KIRREL3: variants seen among roughly 807,000 people sequenced by gnomAD.
KIRREL3 encodes kirre like nephrin family adhesion molecule 3, also known as kin of IRRE-like protein 3.
KIRREL3 carries 36 observed loss-of-function variants against 89.7 expected under a neutral mutation model. The ratio of observed to expected loss-of-function variants is 0.40; its 90% CI spans 0.31 to 0.53. The LOEUF is 0.53. KIRREL3 is among the 20% of genes least tolerant of loss of function. KIRREL3 has a pLI of 0.49. For synonymous variants in KIRREL3, 445 were observed against 441.4 expected, an observed-to-expected ratio of 1.01 and a Z score of -0.10; for missense variants, 864 against 1,056.6, an observed-to-expected ratio of 0.82 and a Z score of 2.53.
At chr11:126,465,926 C>G (rs549975520) in intron 5 of KIRREL3, among the ~76,000 whole-genome samples, 1 of 152,258 alleles carries the variant, frequency 6.6e-6, no homozygotes, top group African/African-American at 2.4e-5. Flanking sequence ...TCGGGTAGGG[C>G]GCGCAGGGGC....
upstream of KIRREL3, among the ~76,000 whole-genome samples, chr11:127,001,692 T>C (rs545820098): frequency 5.5e-4 from 83 of 152,190 alleles, no homozygotes; most frequent in Admixed American, 1.2e-3. Context: ...GATATCAACA[T>C]GAATTTATCT....
chr11:126,582,326 A>T (rs1035521300), intron 1 of KIRREL3, among the ~76,000 whole-genome samples: 3 of 152,202 alleles, frequency 2.0e-5, no homozygotes, highest in African/African-American at 7.2e-5. Context: ...GAGATTCACC[A>T]GTGGCAACAC....
At chr11:126,626,437 GGTCA>G (rs1394730062) in intron 1 of KIRREL3, among the ~76,000 whole-genome samples, 2 of 152,192 alleles carry the variant, frequency 1.3e-5, no homozygotes, top group Non-Finnish European at 2.9e-5. Context: ...CATGTGCATG[GGTCA>G]GTCAGAATGC....
rs925601877 is a variant in KIRREL3, at chr11:126,601,199, C to A, written c.56-38287G>T. ...CTAAGGGAGAGAATTTATGTCTCTT[C>A]ATGCTCTTGTTGACAATAATAACTG... On this transcript the variant is annotated intron_variant, in intron 1 of 16. Coordinates refer to ENST00000525144, the MANE Select transcript of KIRREL3 (RefSeq NM_032531.4). This position sits in a 1 kb window ranked among gnomAD's most constrained non-coding sequence, Gnocchi z 5.8. Among the ~76,000 whole-genome samples the A allele has an allele frequency of 6.6e-6, 1 of 152,194 alleles. No homozygotes were observed. Among genetic ancestry groups the A allele is most frequent in the Admixed American group, 6.5e-5 (1 of 15,282 alleles).
At chr11:126,718,504 C>A (rs1413587842) in intron 1 of KIRREL3, among the ~76,000 whole-genome samples, 9 of 152,216 alleles carry the variant, frequency 5.9e-5, no homozygotes, top group Admixed American at 5.2e-4. Flanking sequence ...TTTGGCCCTG[C>A]TGGCCTTTAA....
intron 1 of KIRREL3, among the ~76,000 whole-genome samples, chr11:126,820,312 T>TAA (rs5795524): frequency 3.3e-5 from 5 of 149,436 alleles, no homozygotes; most frequent in South Asian, 2.1e-4. Flanking sequence ...AGCAAGCCTT[T>TAA]AAAAAAAAAG....
At chr11:126,787,783 G>C (rs539599527) in intron 1 of KIRREL3, among the ~76,000 whole-genome samples, 1 of 152,320 alleles carries the variant, frequency 6.6e-6, no homozygotes, top group Admixed American at 6.5e-5. Context: ...AGCAGATACA[G>C]GTTGCCTTAG....
chr11:126,822,444 G>T (rs947814288), intron 1 of KIRREL3, among the ~76,000 whole-genome samples: 6 of 152,016 alleles, frequency 3.9e-5, no homozygotes, highest in African/African-American at 1.4e-4. Context: ...ATTTCAAGGG[G>T]CCCTGCCCTT....
chr11:126,661,145 T>C (rs1945383315), intron 1 of KIRREL3, among the ~76,000 whole-genome samples: 1 of 152,220 alleles, frequency 6.6e-6, no homozygotes, highest in Non-Finnish European at 1.5e-5. Flanking sequence ...GTAACTGCCT[T>C]CTGGGTAACC....
chr11:126,856,646 C>T (rs192311191), intron 1 of KIRREL3, among the ~76,000 whole-genome samples: 2,938 of 148,084 alleles, frequency 0.02, 48 homozygotes, highest in Admixed American at 0.069. Flanking sequence ...GACCGAGTCT[C>T]GCTCTGTCGC....
In KIRREL3 at chr11:126,987,978, G is replaced by A. The variant is rs1386166117; in HGVS notation, c.55+12477C>T. On this transcript the variant is annotated intron_variant, in intron 1 of 16. Transcript: ENST00000525144. The surrounding 1 kb of genome is among the most constrained non-coding windows in gnomAD (Gnocchi z 4.6). ...ACTCAGGCTCTCCTACATTCTAAGA[G>A]TCTTTTTATTTCCCCCTAATAACCA... Among the ~76,000 whole-genome samples the A allele has an allele frequency of 1.3e-5, 2 of 152,116 alleles. No homozygotes were observed. Among genetic ancestry groups the A allele is most frequent in the Non-Finnish European group, 1.5e-5 (1 of 68,032 alleles).
rs183701916 is a variant in KIRREL3, at chr11:126,455,347, C to T, written c.848+1002G>A. On this transcript the variant is annotated intron_variant, in intron 7 of 16. Coordinates refer to ENST00000525144, the MANE Select transcript of KIRREL3 (RefSeq NM_032531.4). This position sits in a 1 kb window ranked among gnomAD's most constrained non-coding sequence, Gnocchi z 6.4. ...CAGGCAGAAAGGCGCCCAGAGGAAG[C>T]GTGTGTTTATTGGATCAGTCAGACA... 1.3e-5 allele frequency among the ~76,000 whole-genome samples: 2 copies of T among 152,290 alleles called. No individual in the cohort carries two copies. The highest frequency in any genetic ancestry group is 2.9e-5 in the Non-Finnish European group (2 of 68,022).
At position 126,995,137 on chromosome 11, in the gene KIRREL3, T is replaced by C. The variant is rs1242335193; in HGVS notation, c.55+5318A>G. 4.4e-6 allele frequency: 2 copies of C among 454,532 alleles called. No individual in the cohort carries two copies. Among genetic ancestry groups the C allele is most frequent in the South Asian group, 3.1e-5 (2 of 64,428 alleles). 28.2% of individuals were successfully genotyped at this position (454,532 alleles called of 1,614,324 possible). On this transcript the variant is annotated intron_variant, in intron 1 of 16. Coordinates refer to ENST00000525144, the MANE Select transcript of KIRREL3 (RefSeq NM_032531.4). The surrounding 1 kb of genome is among the most constrained non-coding windows in gnomAD (Gnocchi z 6.5). Reference sequence around the variant, plus strand: ...TGGCTGGCTTTGCTGCTCACTCCCTTACGAATAGCTGTGATGGGATATGAA... The same window carrying C: ...TGGCTGGCTTTGCTGCTCACTCCCTCACGAATAGCTGTGATGGGATATGAA...
chr11:126,530,625 T>C lies in KIRREL3; in HGVS notation c.134-3938A>G, dbSNP rs1160690946. ...TCCAGGAGCTCGCAGCTGTGCCCCC[T>C]CCCCATCACACCTGGGCGTCTCAGA... On this transcript the variant is annotated intron_variant, in intron 2 of 16. Transcript: ENST00000525144. The surrounding 1 kb of genome is among the most constrained non-coding windows in gnomAD (Gnocchi z 5.8). 6.6e-6 allele frequency among the ~76,000 whole-genome samples: 1 copy of C among 151,904 alleles called. No individual in the cohort carries two copies. Among genetic ancestry groups the C allele is most frequent in the Non-Finnish European group, 1.5e-5 (1 of 67,976 alleles).
intron 1 of KIRREL3, among the ~76,000 whole-genome samples, chr11:126,800,831 T>C (rs2000970): frequency 0.23 from 34,345 of 152,110 alleles, 4,517 homozygotes; most frequent in East Asian, 0.46. Context: ...AGGTATCACT[T>C]TTCAGCGGAT....
chr11:126,934,686 T>C (rs933997826), intron 1 of KIRREL3, among the ~76,000 whole-genome samples: 2 of 152,158 alleles, frequency 1.3e-5, no homozygotes, highest in African/African-American at 4.8e-5. Flanking sequence ...AAAAGTCATA[T>C]CTGACAAAGG....
intron 1 of KIRREL3, among the ~76,000 whole-genome samples, chr11:126,919,719 T>C (rs185474364): frequency 1.3e-5 from 2 of 152,308 alleles, no homozygotes; most frequent in Non-Finnish European, 2.9e-5. Context: ...CTTTCCCTGA[T>C]ATGTGCACAG....
Position 126,736,210 on chromosome 11 carries a change from C to A in KIRREL3, c.56-173298G>T, listed in dbSNP as rs1253856124. On this transcript the variant is annotated intron_variant, in intron 1 of 16. Transcript: ENST00000525144. This position sits in a 1 kb window ranked among gnomAD's most constrained non-coding sequence, Gnocchi z 5.0. ...GGTTTACTTTCAATTGTAGTCACAGCAATAATAGCACCATTTATGGGGCCA... is the reference window on the plus strand; with the variant it reads ...GGTTTACTTTCAATTGTAGTCACAGAAATAATAGCACCATTTATGGGGCCA... Among the ~76,000 whole-genome samples, 1 of 152,158 alleles carries A rather than the reference C, an allele frequency of 6.6e-6. No homozygotes were observed. Among genetic ancestry groups the A allele is most frequent in the Non-Finnish European group, 1.5e-5 (1 of 68,032 alleles).
chr11:126,848,179 AG>A (rs1335153072), intron 1 of KIRREL3, among the ~76,000 whole-genome samples: 1 of 152,188 alleles, frequency 6.6e-6, no homozygotes, highest in East Asian at 1.9e-4. Flanking sequence ...AACCCACCGC[AG>A]GGCTTGGCTT....
Sources: allele counts gnomAD v4.1 joint callset (sites outside exome capture counted in the v4.1 genomes callset), GRCh38; gene constraint gnomAD v4.1.1; non-coding constraint Gnocchi (gnomAD v3.1); transcripts MANE v1.5; gene names NCBI Gene and HGNC (gene_info 2026-07-23, HGNC 2026-07-21).